Variants in HHAT observed in about 807,000 individuals in gnomAD.
HHAT encodes the protein hedgehog acyltransferase.
HHAT carries 47 observed loss-of-function variants against 70.8 expected under a neutral mutation model. The observed-to-expected ratio is 0.66, with a 90% CI of 0.53 to 0.85. The LOEUF is 0.85. Among genes scored for constraint, HHAT ranks in the 40% least tolerant of loss-of-function variants. HHAT has a pLI of 0.00. For missense variants in HHAT, 609 were observed against 604.8 expected, an observed-to-expected ratio of 1.01 and a Z score of -0.07; for synonymous variants, 228 against 247.6, an observed-to-expected ratio of 0.92 and a Z score of 0.74.
intron 1 of HHAT, among the ~76,000 whole-genome samples, chr1:210,335,511 C>T (rs1218706072): frequency 1.2e-4 from 19 of 152,014 alleles, no homozygotes; most frequent in Non-Finnish European, 4.4e-5. Context: ...GTCTTAAGAG[C>T]AAAACTGGAG....
chr1:210,455,589 C>T (rs2093848078), intron 7 of HHAT, among the ~76,000 whole-genome samples: 1 of 152,102 alleles, frequency 6.6e-6, no homozygotes, highest in Non-Finnish European at 1.5e-5. Flanking sequence ...TGACCCGATT[C>T]AAGTTCCGAC....
intron 9 of HHAT, among the ~76,000 whole-genome samples, chr1:210,573,936 A>G (rs1050792975): frequency 6.6e-6 from 1 of 152,210 alleles, no homozygotes; most frequent in Non-Finnish European, 1.5e-5. Flanking sequence ...GGGATGAAGG[A>G]AAGAGCAGGA....
intron 7 of HHAT, among the ~76,000 whole-genome samples, chr1:210,459,309 T>A (rs1446219235): frequency 6.6e-6 from 1 of 152,224 alleles, no homozygotes; most frequent in Non-Finnish European, 1.5e-5. Flanking sequence ...CCGGAAGTAC[T>A]GTGATACAGT....
At chr1:210,485,710 G>A (rs1163582202) in intron 8 of HHAT, among the ~76,000 whole-genome samples, 1 of 152,080 alleles carries the variant, frequency 6.6e-6, no homozygotes, top group Admixed American at 6.6e-5. Flanking sequence ...TGAGAACCAA[G>A]CAAAACAGCC....
At chr1:210,571,191 A>T (rs753361975) in intron 9 of HHAT, among the ~76,000 whole-genome samples, 1 of 152,232 alleles carries the variant, frequency 6.6e-6, no homozygotes, top group Non-Finnish European at 1.5e-5. Context: ...GATACATAGC[A>T]TCTCCTCCAT....
chr1:210,393,402 G>A (rs2091579746), intron 4 of HHAT, among the ~76,000 whole-genome samples: 1 of 152,222 alleles, frequency 6.6e-6, no homozygotes, highest in Admixed American at 6.5e-5. Flanking sequence ...CTGGGGGAAA[G>A]GATTGAGAAA....
In HHAT at chr1:210,561,645, A is replaced by G. The variant is rs2095623564; in HGVS notation, c.1044-26253A>G. Among the ~76,000 whole-genome samples the G allele has an allele frequency of 2.0e-5, 3 of 152,156 alleles. No individual in the cohort carries two copies. In the South Asian group the frequency reaches 6.2e-4, roughly 31 times the overall value. On this transcript the variant is annotated intron_variant, in intron 9 of 11. Transcript: ENST00000261458. ...GTCATTTTCTCTTTTTTCTGCATTT[A>G]TTTTATTTCTAATTGACAAATAATA...
chr1:210,561,169 C>A (rs1431785747), intron 9 of HHAT, among the ~76,000 whole-genome samples: 1 of 152,188 alleles, frequency 6.6e-6, no homozygotes, highest in Non-Finnish European at 1.5e-5. Context: ...TGACCTTCAT[C>A]ATGGCCTCGA....
At chr1:210,354,696 TTTCTC>T (rs1171207088) in intron 2 of HHAT, among the ~76,000 whole-genome samples, 6 of 152,112 alleles carry the variant, frequency 3.9e-5, no homozygotes, top group Non-Finnish European at 7.4e-5. Context: ...GTTTAATTGA[TTTCTC>T]AATCAATTCT....
intron 11 of HHAT, among the ~76,000 whole-genome samples, chr1:210,642,187 T>A (rs966267830): frequency 2.0e-5 from 3 of 152,216 alleles, no homozygotes; most frequent in African/African-American, 7.2e-5. Flanking sequence ...GTCTGGCTCC[T>A]TTTGAGATTA....
intron 7 of HHAT, among the ~76,000 whole-genome samples, chr1:210,425,471 T>C (rs2093034729): frequency 1.3e-5 from 2 of 152,184 alleles, no homozygotes; most frequent in African/African-American, 2.4e-5. Flanking sequence ...TTTTATAGTT[T>C]TGGGTTTTAC....
intron 3 of HHAT, among the ~76,000 whole-genome samples, chr1:210,372,509 C>T (rs1258104796): frequency 6.6e-6 from 1 of 152,202 alleles, no homozygotes; most frequent in Non-Finnish European, 1.5e-5. Flanking sequence ...ACTGAATTCT[C>T]CTACAAGTAC....
chr1:210,401,830 A>G (rs2148202634), intron 5 of HHAT, among the ~76,000 whole-genome samples: 1 of 151,894 alleles, frequency 6.6e-6, no homozygotes, highest in Non-Finnish European at 1.5e-5. Flanking sequence ...CTTGTACTAC[A>G]TTTTCTGATT....
chr1:210,430,430 T>G (rs977411818), intron 7 of HHAT, among the ~76,000 whole-genome samples: 5 of 151,868 alleles, frequency 3.3e-5, no homozygotes, highest in African/African-American at 1.2e-4. Flanking sequence ...GAATATGGTT[T>G]TATAAAAACA....
At chr1:210,622,465 C>T (rs1669027162) in intron 10 of HHAT, among the ~76,000 whole-genome samples, 1 of 152,160 alleles carries the variant, frequency 6.6e-6, no homozygotes, top group African/African-American at 2.4e-5. Context: ...ACAGCGACCT[C>T]ACTCAGAGGG....
chr1:210,441,640 T>C (rs566203201), intron 7 of HHAT, among the ~76,000 whole-genome samples: 2 of 152,310 alleles, frequency 1.3e-5, no homozygotes, highest in East Asian at 1.9e-4. Flanking sequence ...AGTATAGTGA[T>C]AATAGTAATA....
At chr1:210,395,476 C>A (rs1229941658) in intron 4 of HHAT, among the ~76,000 whole-genome samples, 3 of 152,190 alleles carry the variant, frequency 2.0e-5, no homozygotes, top group African/African-American at 7.2e-5. Context: ...GGTTATTCTC[C>A]CGGGAGACTC....
chr1:210,533,074 C>T (rs953742126), intron 9 of HHAT, among the ~76,000 whole-genome samples: 4 of 152,104 alleles, frequency 2.6e-5, no homozygotes, highest in East Asian at 1.9e-4. Flanking sequence ...CCTTGTTTTT[C>T]GGTGTGAAAT....
At chr1:210,330,752 A>C (rs2084915460) in intron 1 of HHAT, among the ~76,000 whole-genome samples, 1 of 152,174 alleles carries the variant, frequency 6.6e-6, no homozygotes, top group Non-Finnish European at 1.5e-5. Context: ...GGTTTCATGG[A>C]CAATAAGTTT....
Sources: allele counts gnomAD v4.1 joint callset (sites outside exome capture counted in the v4.1 genomes callset), GRCh38; gene constraint gnomAD v4.1.1; transcripts MANE v1.5; gene names NCBI Gene and HGNC (gene_info 2026-07-23, HGNC 2026-07-21).